PIEZO2: variants seen among roughly 807,000 people sequenced by gnomAD.
PIEZO2 encodes piezo type mechanosensitive ion channel component 2.
Under a neutral mutation model 337.3 loss-of-function variants are expected in PIEZO2, and 172 were observed. The ratio of observed to expected loss-of-function variants is 0.51; its 90% CI spans 0.45 to 0.58. The LOEUF (loss-of-function observed/expected upper bound fraction) is 0.58, where lower values mean the gene tolerates loss of function less well. PIEZO2 is among the 20% of genes least tolerant of loss of function. PIEZO2 has a pLI of 0.00. For missense variants in PIEZO2, 3,028 were observed against 3,391.3 expected (o/e 0.89, Z 2.66); for synonymous variants, 1,251 against 1,228.5 (o/e 1.02, Z -0.38).
intron 3 of PIEZO2, among the ~76,000 whole-genome samples, chr18:10,946,479 C>T (rs1389195501): frequency 1.3e-5 from 2 of 152,210 alleles, no homozygotes; most frequent in Non-Finnish European, 1.5e-5. Flanking sequence ...CTTCTCCTCT[C>T]CCTGGTGTTA....
intron 3 of PIEZO2, among the ~76,000 whole-genome samples, chr18:10,949,081 G>T (rs1251348962): frequency 1.3e-5 from 2 of 152,192 alleles, no homozygotes; most frequent in Admixed American, 6.5e-5. Flanking sequence ...TCATCATACA[G>T]AAATGGTCAT....
chr18:11,036,402 A>G (rs2145787071), intron 2 of PIEZO2, among the ~76,000 whole-genome samples: 1 of 152,260 alleles, frequency 6.6e-6, no homozygotes, highest in South Asian at 2.1e-4. Context: ...CTTGGCTGCT[A>G]AAACACTTGG....
intron 4 of PIEZO2, among the ~76,000 whole-genome samples, chr18:10,886,332 A>C (rs1482979418): frequency 7.1e-5 from 1 of 14,176 alleles, no homozygotes; most frequent in Non-Finnish European, 1.1e-4. Flanking sequence ...ACATATATAT[A>C]TATATATATA....
chr18:10,792,192 G>A (rs906055266), intron 13 of PIEZO2, among the ~76,000 whole-genome samples: 7 of 152,074 alleles, frequency 4.6e-5, no homozygotes, highest in African/African-American at 1.2e-4. Flanking sequence ...CAGGTGATCC[G>A]CCTGCCTTGG....
intron 7 of PIEZO2, among the ~76,000 whole-genome samples, chr18:10,838,405 A>G (rs930535765): frequency 6.6e-6 from 1 of 152,222 alleles, no homozygotes; most frequent in Non-Finnish European, 1.5e-5. Context: ...TCAACCTTGG[A>G]AAAACTTTGC....
intron 1 of PIEZO2, among the ~76,000 whole-genome samples, chr18:11,081,197 T>C (rs533978177): frequency 1.7e-4 from 26 of 152,318 alleles, no homozygotes; most frequent in Non-Finnish European, 2.5e-4. Flanking sequence ...TTAACCATGT[T>C]TTTCTTACAA....
chr18:10,766,980 C>T lies in PIEZO2; in HGVS notation c.2946+3168G>A, dbSNP rs988599838. 1.3e-5 allele frequency among the ~76,000 whole-genome samples: 2 copies of T among 151,432 alleles called. No individual in the cohort carries two copies. Among genetic ancestry groups the T allele is most frequent in the African/African-American group, 4.8e-5 (2 of 41,356 alleles). On this transcript the variant is annotated intron_variant, in intron 21 of 55. Transcript: ENST00000674853. This position sits in a 1 kb window ranked among gnomAD's most constrained non-coding sequence, Gnocchi z 6.1. ...AGTTTCCTTCCTTCCTTCCTCCCAC[C>T]TTCCATTCCCTCCCCTCCCCTCCCC...
At chr18:11,022,562 G>A (rs2036349734) in intron 2 of PIEZO2, among the ~76,000 whole-genome samples, 1 of 152,104 alleles carries the variant, frequency 6.6e-6, no homozygotes, top group East Asian at 1.9e-4. Flanking sequence ...CACATCCTTG[G>A]TGTCTTCCTC....
chr18:10,993,966 A>G lies in PIEZO2; in HGVS notation c.161-14306T>C, dbSNP rs1245920613. 1.3e-5 allele frequency among the ~76,000 whole-genome samples: 2 copies of G among 152,158 alleles called. No homozygotes were observed. The highest frequency in any genetic ancestry group is 4.8e-5 in the African/African-American group (2 of 41,422). ...TTGGTGTACCCATCACCCAAGAAGT[A>G]TACACTGAAGCCAATTTGTATGCTT... On this transcript the variant is annotated intron_variant, in intron 2 of 55. Transcript: ENST00000674853. The surrounding 1 kb of genome is among the most constrained non-coding windows in gnomAD (Gnocchi z 5.0).
Position 10,859,142 on chromosome 18 carries a change from G to C in PIEZO2, c.493-1931C>G, listed in dbSNP as rs2041806487. Among the ~76,000 whole-genome samples the C allele has an allele frequency of 6.6e-6, 1 of 152,172 alleles. No homozygotes were observed. The highest frequency in any genetic ancestry group is 1.5e-5 in the Non-Finnish European group (1 of 68,038). On this transcript the variant is annotated intron_variant, in intron 5 of 55. Transcript: ENST00000674853. The surrounding 1 kb of genome is among the most constrained non-coding windows in gnomAD (Gnocchi z 4.9). ...CAGAGGTCAAGGAAAGCCTCTCTGA[G>C]GAGGTGACATTTAAGCTAAGATCTG...
intron 2 of PIEZO2, among the ~76,000 whole-genome samples, chr18:11,053,302 T>C (rs2037597065): frequency 6.6e-6 from 1 of 152,198 alleles, no homozygotes; most frequent in Admixed American, 6.5e-5. Context: ...CTTGCAAATT[T>C]CATATTTCTT....
intron 44 of PIEZO2, among the ~76,000 whole-genome samples, chr18:10,698,463 A>C (rs1317923075): frequency 6.6e-6 from 1 of 152,228 alleles, no homozygotes; most frequent in African/African-American, 2.4e-5. Flanking sequence ...AGGCATATCT[A>C]CTTTCTGATT....
In PIEZO2 at chr18:10,813,029, G is replaced by A. The variant is rs139710153; in HGVS notation, c.918-5755C>T. On this transcript the variant is annotated intron_variant, in intron 7 of 55. Transcript: ENST00000674853. This position sits in a 1 kb window ranked among gnomAD's most constrained non-coding sequence, Gnocchi z 4.2. ...GACGGAGTCTCACTCTGTCACCCGG[G>A]CTGGAGTGCATTGGGCCTCTGCTCA... Among the ~76,000 whole-genome samples the A allele has an allele frequency of 2.3e-3, 354 of 151,892 alleles. 2 individuals are homozygous for A. The highest frequency in any genetic ancestry group is 8.0e-3 in the African/African-American group (331 of 41,398).
intron 2 of PIEZO2, among the ~76,000 whole-genome samples, chr18:11,054,630 G>C (rs140346359): frequency 1.7e-4 from 26 of 152,328 alleles, no homozygotes; most frequent in Admixed American, 1.6e-3. Flanking sequence ...TTTACAGTGA[G>C]ATGCTCCTAA....
intron 4 of PIEZO2, among the ~76,000 whole-genome samples, chr18:10,883,232 G>A (rs2042474109): frequency 6.6e-6 from 1 of 152,124 alleles, no homozygotes; most frequent in South Asian, 2.1e-4. Flanking sequence ...AAACAAGGGA[G>A]TATAAATATC....
intron 5 of PIEZO2, among the ~76,000 whole-genome samples, chr18:10,858,793 G>GCCTTC (rs2041796731): frequency 6.6e-6 from 1 of 152,004 alleles, no homozygotes; most frequent in African/African-American, 2.4e-5. Flanking sequence ...GCTACAGGAT[G>GCCTTC]CACCCAGCCA....
chr18:11,093,476 G>T (rs533046822), intron 1 of PIEZO2, among the ~76,000 whole-genome samples: 108 of 151,862 alleles, frequency 7.1e-4, no homozygotes, highest in African/African-American at 2.5e-3. Context: ...AACTTCAGTT[G>T]GGGACTCTCA....
At chr18:11,050,297 T>C (rs1327179169) in intron 2 of PIEZO2, among the ~76,000 whole-genome samples, 1 of 152,162 alleles carries the variant, frequency 6.6e-6, no homozygotes, top group Admixed American at 6.5e-5. Flanking sequence ...ATAATAATAA[T>C]AATAAGCCTA....
At chr18:11,065,174 A>C (rs1323320728) in intron 2 of PIEZO2, among the ~76,000 whole-genome samples, 1 of 152,212 alleles carries the variant, frequency 6.6e-6, no homozygotes, top group African/African-American at 2.4e-5. Context: ...AGAATGGGAA[A>C]GACAGAGTCA....
Sources: gnomAD v4.1 joint callset for allele counts (sites outside exome capture counted in the v4.1 genomes callset) on GRCh38, gnomAD v4.1.1 for gene constraint, Gnocchi (gnomAD v3.1) non-coding constraint, MANE v1.5 for transcripts, NCBI Gene and HGNC (gene_info 2026-07-23, HGNC 2026-07-21) for gene names.